Variants in SLCO1A2 observed in about 807,000 individuals in gnomAD.
The protein encoded by SLCO1A2 is OATP-1.
SLCO1A2 carries 67 observed loss-of-function variants against 69.0 expected under a neutral mutation model. The ratio of observed to expected loss-of-function variants is 0.97; its 90% CI spans 0.80 to 1.19. The LOEUF (loss-of-function observed/expected upper bound fraction) is 1.19, where lower values mean the gene tolerates loss of function less well. SLCO1A2 is among the 50% of genes most tolerant of loss of function. The pLI is 0.00. For missense variants in SLCO1A2, 787 were observed against 793.7 expected, an observed-to-expected ratio of 0.99 and a Z score of 0.10; for synonymous variants, 260 against 265.9, an observed-to-expected ratio of 0.98 and a Z score of 0.22.
intron 2 of SLCO1A2, among the ~76,000 whole-genome samples, chr12:21,357,173 C>T (rs1190731344): frequency 1.3e-5 from 2 of 152,118 alleles, no homozygotes; most frequent in Non-Finnish European, 2.9e-5. Context: ...CAGAATGAAA[C>T]CACATTTGTA....
At chr12:21,414,420 C>T (rs1941959458) in intron 1 of SLCO1A2, among the ~76,000 whole-genome samples, 1 of 151,788 alleles carries the variant, frequency 6.6e-6, no homozygotes, top group Admixed American at 6.6e-5. Context: ...TTTCCTTAAC[C>T]TGTGAGTTAT....
intron 4 of SLCO1A2, among the ~76,000 whole-genome samples, chr12:21,311,373 C>T (rs2127117): frequency 0.056 from 8,460 of 151,968 alleles, 594 homozygotes; most frequent in East Asian, 0.35. Context: ...TGAATTCTTT[C>T]GAGAAGGTTT....
At chr12:21,407,311 G>T (rs1242777589) in intron 1 of SLCO1A2, among the ~76,000 whole-genome samples, 8 of 152,164 alleles carry the variant, frequency 5.3e-5, no homozygotes, top group African/African-American at 1.9e-4. Context: ...TTGATAAGAA[G>T]GTTGGTGTAG....
chr12:21,418,901 G>C (rs1942032980), upstream of SLCO1A2, among the ~76,000 whole-genome samples: 1 of 151,970 alleles, frequency 6.6e-6, no homozygotes, highest in African/African-American at 2.4e-5. Context: ...ACTAAGAATA[G>C]TTTTTATATT....
In SLCO1A2 at chr12:21,287,930, G is replaced by T. The variant is rs533923910; in HGVS notation, c.1610+4234C>A. On this transcript the variant is annotated intron_variant, in intron 12 of 14. Coordinates refer to ENST00000683939, the MANE Select transcript of SLCO1A2 (RefSeq NM_001386879.1). ...AATGCTAGATGACGAGTTAGTGGGT[G>T]CAGCGCACCAGCATGGCACATGTAT... Among the ~76,000 whole-genome samples, 1,123 of 130,892 alleles carry T rather than the reference G, an allele frequency of 8.6e-3. 22 individuals carry two copies. The highest frequency in any genetic ancestry group is 0.033 in the African/African-American group (1,062 of 32,572). 85.9% of individuals were successfully genotyped at this position (130,892 alleles called of 152,430 possible).
intron 4 of SLCO1A2, among the ~76,000 whole-genome samples, chr12:21,314,125 T>G (rs1950567387): frequency 6.6e-6 from 1 of 152,220 alleles, no homozygotes; most frequent in African/African-American, 2.4e-5. Flanking sequence ...GTAATAGTTT[T>G]TATTTTTATG....
At chr12:21,279,180 TA>T (rs1325370792) in intron 12 of SLCO1A2, among the ~76,000 whole-genome samples, 2 of 150,794 alleles carry the variant, frequency 1.3e-5, no homozygotes, top group South Asian at 4.2e-4. Flanking sequence ...AAAAAAAGAA[TA>T]AAAAAAAGTG....
chr12:21,347,433 G>A (rs1269286108), intron 2 of SLCO1A2, among the ~76,000 whole-genome samples: 3 of 152,118 alleles, frequency 2.0e-5, no homozygotes, highest in Admixed American at 2.0e-4. Flanking sequence ...ATCACCTGAG[G>A]TCAGGAGTTC....
At chr12:21,347,515 G>A (rs1050692341) in intron 2 of SLCO1A2, among the ~76,000 whole-genome samples, 6 of 152,052 alleles carry the variant, frequency 3.9e-5, no homozygotes, top group Admixed American at 2.6e-4. Context: ...GCATGGTGGC[G>A]CACGTCTGTA....
Position 21,318,866 on chromosome 12 carries a change from T to C in SLCO1A2, c.118A>G (p.Met40Val), listed in dbSNP as rs1012264896. Residue 40 changes from methionine to valine, a missense_variant, in exon 3 of 15, where the codon ATG becomes GTG. Coordinates refer to ENST00000683939, the MANE Select transcript of SLCO1A2 (RefSeq NM_001386879.1). ...FVSKTLSGSY[M>V]NSMLTQIERQ... Reference sequence around the variant, plus strand: ...TCTATTTGTGTGAGCATGGAATTCATATAAGATCCAGACAGTGTTTTGGAT... The same window carrying C: ...TCTATTTGTGTGAGCATGGAATTCACATAAGATCCAGACAGTGTTTTGGAT... 1.4e-5 allele frequency: 23 copies of C among 1,611,572 alleles called. No homozygotes were observed. The highest frequency in any genetic ancestry group is 6.7e-5 in the African/African-American group (5 of 74,878).
At chr12:21,360,561 G>A (rs2137045059) in intron 2 of SLCO1A2, among the ~76,000 whole-genome samples, 1 of 152,298 alleles carries the variant, frequency 6.6e-6, no homozygotes, top group African/African-American at 2.4e-5. Context: ...CCAGACAAGT[G>A]GGTGCAGCCC....
chr12:21,275,544 T>C (rs1350327028), intron 12 of SLCO1A2, 120 bp from the exon 13 acceptor site: 2 of 1,047,092 alleles, frequency 1.9e-6, no homozygotes, highest in African/African-American at 3.3e-5. Context: ...TTTACTTTCA[T>C]GCTCACTTAT....
At chr12:21,272,739 G>T (rs1943103541) in intron 14 of SLCO1A2, among the ~76,000 whole-genome samples, 1 of 151,940 alleles carries the variant, frequency 6.6e-6, no homozygotes, top group African/African-American at 2.4e-5. Flanking sequence ...CTTTTAACCA[G>T]CAAGTTTAAC....
At chr12:21,356,645 A>G (rs1938392080) in intron 2 of SLCO1A2, among the ~76,000 whole-genome samples, 1 of 152,160 alleles carries the variant, frequency 6.6e-6, no homozygotes, top group Admixed American at 6.6e-5. Flanking sequence ...CAGTAAAGAT[A>G]TGAGTGTTAT....
At chr12:21,363,521 C>G (rs923633586) in intron 2 of SLCO1A2, among the ~76,000 whole-genome samples, 10 of 152,052 alleles carry the variant, frequency 6.6e-5, no homozygotes, top group African/African-American at 2.4e-4. Context: ...CAAAAGCTAG[C>G]AGAAGGCAAG....
intron 1 of SLCO1A2, among the ~76,000 whole-genome samples, chr12:21,388,152 A>G (rs1392842521): frequency 6.6e-6 from 1 of 152,056 alleles, no homozygotes; most frequent in African/African-American, 2.4e-5. Flanking sequence ...TCATAGACAA[A>G]AGGGATTTGC....
chr12:21,278,236 G>A (rs1043065811), intron 12 of SLCO1A2, among the ~76,000 whole-genome samples: 1 of 151,716 alleles, frequency 6.6e-6, no homozygotes, highest in African/African-American at 2.4e-5. Flanking sequence ...CTAGCATAGA[G>A]CATAAGGTAG....
At chr12:21,355,729 A>G (rs1938315785) in intron 2 of SLCO1A2, among the ~76,000 whole-genome samples, 1 of 152,190 alleles carries the variant, frequency 6.6e-6, no homozygotes. Flanking sequence ...ACAAAAATCA[A>G]ACTACTGTAA....
At chr12:21,407,830 A>T (rs11046020) in intron 1 of SLCO1A2, among the ~76,000 whole-genome samples, 55,461 of 151,366 alleles carry the variant, frequency 0.37, 10,817 homozygotes, top group Middle Eastern at 0.45. Flanking sequence ...TGAAAAAAAA[A>T]AAAAAAAGCC....
Sources: allele counts gnomAD v4.1 joint callset (sites outside exome capture counted in the v4.1 genomes callset), GRCh38; gene constraint gnomAD v4.1.1; transcripts MANE v1.5; gene names NCBI Gene and HGNC (gene_info 2026-07-23, HGNC 2026-07-21).